Variants in LTV1 observed in about 807,000 individuals in gnomAD.
LTV1 encodes the protein LTV1 ribosome biogenesis factor.
In LTV1, 39 loss-of-function variants were observed where a neutral mutation model predicts 59.9. The ratio of observed to expected loss-of-function variants is 0.65; its 90% CI spans 0.50 to 0.85. The LOEUF is 0.85. LTV1 is among the 40% of genes least tolerant of loss of function. The pLI is 0.00. For missense variants in LTV1, 493 were observed against 549.1 expected (o/e 0.90, Z 1.02); for synonymous variants, 171 against 189.5 (o/e 0.90, Z 0.80).
At position 143,863,439 on chromosome 6, in the gene LTV1, C is replaced by G. The variant is rs143307629; in HGVS notation, c.1340C>G (p.Ala447Gly). ...CAGGAACGAAGAGTGGAGAAGAAAGCTAACAAATTAGCATTTAAACTGGAG... is the reference window on the plus strand; with the variant it reads ...CAGGAACGAAGAGTGGAGAAGAAAGGTAACAAATTAGCATTTAAACTGGAG... The part of the protein sequence containing the change: ...ERKERRVEKK[A>G]NKLAFKLEKR... The change falls in exon 11 of 11, where the codon GCT becomes GGT. Residue 447 changes from alanine (A) to glycine (G), a missense_variant. Coordinates refer to ENST00000367576, the MANE Select transcript of LTV1 (RefSeq NM_032860.5). This position sits in a 1 kb window ranked among gnomAD's most constrained non-coding sequence, Gnocchi z 4.5. The G allele has an allele frequency of 2.2e-5, 35 of 1,613,534 alleles. No homozygotes were observed. The African/African-American group carries it at 3.9e-4, about 18-fold the overall frequency.
In LTV1 at chr6:143,843,413, T is replaced by G; in HGVS notation, c.-65T>G. ...AGCGGCCTTCAGCTGGACCTTGGTC[T>G]CCCCGCCGGACTTCGAGGGTGTCAT... On this transcript the variant is annotated 5_prime_UTR_variant, in exon 1 of 11. Transcript: ENST00000367576. The G allele has an allele frequency of 6.2e-7, 1 of 1,608,656 alleles. No individual in the cohort carries two copies. The highest frequency in any genetic ancestry group is 8.5e-7 in the Non-Finnish European group (1 of 1,178,224).
intron 1 of LTV1, 127 bp from the exon 2 acceptor site, chr6:143,844,359 C>T: frequency 1.0e-6 from 1 of 967,712 alleles, no homozygotes; most frequent in Admixed American, 2.4e-5. Context: ...TGTTGCCTGC[C>T]CTAGAAGTGT....
At chr6:143,856,459 G>A (rs1008780539) in intron 4 of LTV1, among the ~76,000 whole-genome samples, 7 of 152,120 alleles carry the variant, frequency 4.6e-5, no homozygotes, top group Admixed American at 6.5e-5. Flanking sequence ...CGCATTCTCC[G>A]TCCAGTTTTG....
intron 6 of LTV1, among the ~76,000 whole-genome samples, chr6:143,859,873 G>A (rs1190308818): frequency 3.3e-5 from 5 of 152,212 alleles, no homozygotes; most frequent in Admixed American, 6.5e-5. Flanking sequence ...GGAGGCCGAA[G>A]CAGATGGATC....
chr6:143,847,649 C>T (rs976114899), intron 3 of LTV1, among the ~76,000 whole-genome samples: 16 of 152,236 alleles, frequency 1.1e-4, no homozygotes, highest in African/African-American at 3.9e-4. Context: ...GCGTGAGCCA[C>T]CGCGCCCGGT....
In LTV1 at chr6:143,863,204, A is replaced by G. The variant is rs748038997; in HGVS notation, c.1235A>G (p.Lys412Arg). 3 of 1,614,054 alleles carry G rather than the reference A, an allele frequency of 1.9e-6. No homozygotes were observed. The highest frequency in any genetic ancestry group is 3.3e-5 in the Admixed American group (2 of 60,020). ...IQMINGSDLP[K>R]VSTQPRSKNE... is the part of the protein sequence containing the mutation. The stretch of plus-strand genomic sequence containing the variant: ...ATGATTAATGGCAGTGATCTTCCTA[A>G]AGTATCAACTCAGCCACGTTCTAAA... The change falls in exon 10 of 11, where the codon AAA becomes AGA. Residue 412 changes from lysine to arginine, a missense_variant. Transcript: ENST00000367576. The surrounding 1 kb of genome is among the most constrained non-coding windows in gnomAD (Gnocchi z 4.5).
intron 4 of LTV1, among the ~76,000 whole-genome samples, chr6:143,856,822 G>A (rs1777083426): frequency 6.6e-6 from 1 of 152,176 alleles, no homozygotes; most frequent in African/African-American, 2.4e-5. Context: ...TCCCAGAGGG[G>A]TACCCGCCAG....
chr6:143,859,370 A>G (rs538921082), intron 6 of LTV1, among the ~76,000 whole-genome samples: 1 of 152,238 alleles, frequency 6.6e-6, no homozygotes, highest in Admixed American at 6.5e-5. Flanking sequence ...GTTGTGCTTT[A>G]TTATGTATGT....
Position 143,862,123 on chromosome 6 carries a change from C to G in LTV1, c.943C>G (p.Leu315Val). 1 of 1,613,888 alleles carries G rather than the reference C, an allele frequency of 6.2e-7. No homozygotes were observed. The highest frequency in any genetic ancestry group is 8.5e-7 in the Non-Finnish European group (1 of 1,179,898). The stretch of plus-strand genomic sequence containing the variant: ...TAAAAGTTGTGTAAAATTGAATACC[C>G]TTGAACCCTTGGAGGATCAAGACCT... The part of the protein sequence containing the change: ...KAENCVKLNT[L>V]EPLEDQDLPM... Residue 315 changes from leucine to valine, a missense_variant, in exon 8 of 11, where the codon CTT becomes GTT. Transcript: ENST00000367576. This position sits in a 1 kb window ranked among gnomAD's most constrained non-coding sequence, Gnocchi z 4.2.
Position 143,848,013 on chromosome 6 carries a change from G to C in LTV1, c.309+1789G>C, listed in dbSNP as rs190207965. 2.0e-4 allele frequency among the ~76,000 whole-genome samples: 30 copies of C among 152,268 alleles called. No individual in the cohort carries two copies. In the East Asian group the frequency reaches 5.8e-3, roughly 29 times the overall value. On this transcript the variant is annotated intron_variant, in intron 3 of 10. Transcript: ENST00000367576. ...GAAAGAAAGATGGTGGTGCTGTTGT[G>C]GAAAGTAGCTGGGCAAATGTCATGT...
At chr6:143,860,357 A>G (rs768844087) in intron 6 of LTV1, 69 bp from the exon 7 acceptor site, 58 of 1,434,966 alleles carry the variant, frequency 4.0e-5, no homozygotes, top group Non-Finnish European at 5.1e-5. Flanking sequence ...ATGTAAAAAA[A>G]TTTTTAAGTG....
chr6:143,860,647 A>G (rs1017001639), intron 7 of LTV1, 94 bp downstream of exon 7: 1 of 1,065,088 alleles, frequency 9.4e-7, no homozygotes, highest in Admixed American at 2.7e-5. Flanking sequence ...AATTGAGGAA[A>G]AAATTAACCT....
chr6:143,856,269 G>C (rs566445251), intron 4 of LTV1, among the ~76,000 whole-genome samples: 15 of 152,268 alleles, frequency 9.9e-5, no homozygotes, highest in African/African-American at 3.6e-4. Flanking sequence ...CCCTTGCTGT[G>C]TTTTTCAGCT....
chr6:143,858,415 C>G, intron 6 of LTV1: 2 of 182,592 alleles, frequency 1.1e-5, no homozygotes, highest in Admixed American at 5.3e-5. Flanking sequence ...TTAAAACCCC[C>G]AGAAGTGGCC....
At chr6:143,853,186 C>T (rs955410041) in intron 4 of LTV1, among the ~76,000 whole-genome samples, 1 of 152,126 alleles carries the variant, frequency 6.6e-6, no homozygotes, top group African/African-American at 2.4e-5. Context: ...CCTTCACATC[C>T]CTTGTAAGTT....
At chr6:143,860,945 G>A (rs1777154694) in intron 7 of LTV1, among the ~76,000 whole-genome samples, 1 of 151,554 alleles carries the variant, frequency 6.6e-6, no homozygotes, top group East Asian at 1.9e-4. Flanking sequence ...GCCCAGGCTG[G>A]AATGCAGTGG....
chr6:143,861,298 C>T (rs767452567), intron 7 of LTV1, among the ~76,000 whole-genome samples: 5 of 151,724 alleles, frequency 3.3e-5, no homozygotes, highest in South Asian at 2.1e-4. Flanking sequence ...ACAGGCTGGG[C>T]GTGGTGGTGT....
intron 2 of LTV1, among the ~76,000 whole-genome samples, chr6:143,845,114 G>C (rs920180045): frequency 6.6e-6 from 1 of 152,034 alleles, no homozygotes; most frequent in Non-Finnish European, 1.5e-5. Context: ...TTTGCCTCCT[G>C]CTTGCTCATC....
intron 4 of LTV1, among the ~76,000 whole-genome samples, chr6:143,856,108 A>G (rs1272821250): frequency 6.6e-6 from 1 of 152,106 alleles, no homozygotes; most frequent in Non-Finnish European, 1.5e-5. Flanking sequence ...ATAGTCCCAT[A>G]TTTGTTGGAG....
Sources: allele counts gnomAD v4.1 joint callset (sites outside exome capture counted in the v4.1 genomes callset), GRCh38; gene constraint gnomAD v4.1.1; non-coding constraint Gnocchi (gnomAD v3.1); transcripts MANE v1.5; gene names NCBI Gene and HGNC (gene_info 2026-07-23, HGNC 2026-07-21).